The following XKR4 variants were observed in gnomAD, a reference collection of about 807,000 sequenced individuals.
The protein encoded by XKR4 is XK-related protein 4.
Under a neutral mutation model 53.9 loss-of-function variants are expected in XKR4, and 12 were observed. That is an observed-to-expected ratio of 0.22 (90% confidence interval 0.14 to 0.36). The LOEUF is 0.36. XKR4 is among the 10% of genes least tolerant of loss of function. The pLI is 1.00. For missense variants in XKR4, 799 were observed against 859.5 expected (o/e 0.93, Z 0.88); for synonymous variants, 354 against 362.4 (o/e 0.98, Z 0.26).
intron 2 of XKR4, among the ~76,000 whole-genome samples, chr8:55,386,649 T>C (rs564800218): frequency 6.6e-6 from 1 of 152,270 alleles, no homozygotes; most frequent in African/African-American, 2.4e-5. Context: ...TAATATATCA[T>C]GGAATGTAGT....
intron 2 of XKR4, among the ~76,000 whole-genome samples, chr8:55,481,320 T>G (rs1031550242): frequency 6.6e-6 from 1 of 152,012 alleles, no homozygotes; most frequent in Non-Finnish European, 1.5e-5. Flanking sequence ...TAATAAATGG[T>G]GCTGGGAAAA....
rs1326065294 is a variant in XKR4 at position 55,466,263 on chromosome 8, T to C, written c.1007-57018T>C. Reference sequence around the variant, plus strand: ...AAATGTCCATCAATGATAGACTGGATGAAGAAAATGTGGCACATACACCCT... The same window carrying C: ...AAATGTCCATCAATGATAGACTGGACGAAGAAAATGTGGCACATACACCCT... On this transcript the variant is annotated intron_variant, in intron 2 of 2. Coordinates refer to ENST00000327381, the MANE Select transcript of XKR4 (RefSeq NM_052898.2). Among the ~76,000 whole-genome samples, 3 of 152,174 alleles carry C rather than the reference T, an allele frequency of 2.0e-5. No individual in the cohort carries two copies. The East Asian group carries it at 5.8e-4, about 29-fold the overall frequency.
chr8:55,182,847 G>A (rs1046722051), intron 1 of XKR4, among the ~76,000 whole-genome samples: 2 of 152,034 alleles, frequency 1.3e-5, no homozygotes, highest in African/African-American at 4.8e-5. Context: ...GATTTGATTG[G>A]AATTGTGTAG....
chr8:55,307,812 A>T (rs1403503825), intron 1 of XKR4, among the ~76,000 whole-genome samples: 1 of 152,254 alleles, frequency 6.6e-6, no homozygotes, highest in African/African-American at 2.4e-5. Flanking sequence ...AGTTGCTGGC[A>T]AGGATGTGAA....
chr8:55,313,041 T>C (rs1042389373), intron 1 of XKR4, among the ~76,000 whole-genome samples: 2 of 152,150 alleles, frequency 1.3e-5, no homozygotes, highest in Admixed American at 6.5e-5. Context: ...CTTTCTCTGG[T>C]TTTATAGCAT....
At chr8:55,210,718 T>C (rs1817719669) in intron 1 of XKR4, among the ~76,000 whole-genome samples, 1 of 152,066 alleles carries the variant, frequency 6.6e-6, no homozygotes. Flanking sequence ...AGAAATGTAA[T>C]AAGTGAAAGA....
chr8:55,407,579 G>A (rs1255264000), intron 2 of XKR4, among the ~76,000 whole-genome samples: 2 of 152,128 alleles, frequency 1.3e-5, no homozygotes, highest in Non-Finnish European at 2.9e-5. Flanking sequence ...GATGCCCCGG[G>A]CTCAACATCG....
chr8:55,523,548 T>C lies in XKR4; in HGVS notation c.1274T>C (p.Ile425Thr). Residue 425 changes from isoleucine (I) to threonine (T), a missense_variant, in exon 3 of 3, where the codon ATC becomes ACC. Transcript: ENST00000327381. ...GTCCACTGTGAGACAGAATTCTGTA[T>C]CACCAAATGGGAAGAGATTGTGTTC... ...WIVHCETEFC[I>T]TKWEEIVFDM... 1 of 1,614,216 alleles carries C rather than the reference T, an allele frequency of 6.2e-7. No individual in the cohort carries two copies. The highest frequency in any genetic ancestry group is 1.1e-5 in the South Asian group (1 of 91,084).
intron 1 of XKR4, among the ~76,000 whole-genome samples, chr8:55,321,725 T>A (rs1803217176): frequency 6.6e-6 from 1 of 152,234 alleles, no homozygotes; most frequent in Non-Finnish European, 1.5e-5. Context: ...GCATGGTGGC[T>A]CATGCCTGTA....
rs574930341 is a variant in XKR4, at chr8:55,221,768, C to T, written c.806+118474C>T. On this transcript the variant is annotated intron_variant, in intron 1 of 2. Coordinates refer to ENST00000327381, the MANE Select transcript of XKR4 (RefSeq NM_052898.2). ...CTGGACTCGCTCGCTGTCTTACAGCCCCTTCTCCAGAGGGTCTCACCGGAC... is the reference window on the plus strand; with the variant it reads ...CTGGACTCGCTCGCTGTCTTACAGCTCCTTCTCCAGAGGGTCTCACCGGAC... Among the ~76,000 whole-genome samples, 8 of 152,282 alleles carry T rather than the reference C, an allele frequency of 5.3e-5. No homozygotes were observed. In the East Asian group the frequency reaches 1.5e-3, roughly 29 times the overall value.
intron 2 of XKR4, among the ~76,000 whole-genome samples, chr8:55,519,296 C>T (rs1806764754): frequency 6.6e-6 from 1 of 152,034 alleles, no homozygotes; most frequent in Non-Finnish European, 1.5e-5. Context: ...ATATACTATT[C>T]ATTATTTTGA....
At position 55,534,207 on chromosome 8, in the gene XKR4, G is replaced by T. The variant is rs1806993980; in HGVS notation, c.*9980G>T. The T allele has an allele frequency of 6.6e-6, 1 of 151,856 alleles. No homozygotes were observed. Among genetic ancestry groups the T allele is most frequent in the South Asian group, 2.1e-4 (1 of 4,798 alleles). The allele number at this position is 151,856 out of a possible 1,614,324, so 9.4% of individuals were successfully genotyped here. A position where few individuals can be genotyped will look rare whatever the true frequency, so the allele number is the denominator to read the frequency against. On this transcript the variant is annotated 3_prime_UTR_variant, in exon 3 of 3. Coordinates refer to ENST00000327381, the MANE Select transcript of XKR4 (RefSeq NM_052898.2). ...TCAGTTTCAGAGGTAAAATCTGCAT[G>T]GGTGCAGCTACTGAATAATTTGATT...
chr8:55,407,318 C>G (rs1055948034), intron 2 of XKR4, among the ~76,000 whole-genome samples: 12 of 152,116 alleles, frequency 7.9e-5, no homozygotes, highest in African/African-American at 2.7e-4. Context: ...GCACTGCTTC[C>G]CAGGAATCAC....
intron 1 of XKR4, among the ~76,000 whole-genome samples, chr8:55,262,899 T>A (rs1818547899): frequency 6.6e-6 from 1 of 152,164 alleles, no homozygotes; most frequent in South Asian, 2.1e-4. Context: ...ATCACTGTGG[T>A]CCACGGGGCA....
chr8:55,443,385 C>A (rs1324816509), intron 2 of XKR4, among the ~76,000 whole-genome samples: 1 of 150,654 alleles, frequency 6.6e-6, no homozygotes, highest in Admixed American at 6.6e-5. Context: ...AATTCAACAA[C>A]CATGAGTGAT....
At chr8:55,438,866 C>T (rs2129394578) in intron 2 of XKR4, among the ~76,000 whole-genome samples, 1 of 152,244 alleles carries the variant, frequency 6.6e-6, no homozygotes, top group South Asian at 2.1e-4. Context: ...ATGATGCTAG[C>T]TTTCACTTGG....
chr8:55,232,790 TGAG>T (rs1002006540), intron 1 of XKR4, among the ~76,000 whole-genome samples: 2 of 152,206 alleles, frequency 1.3e-5, no homozygotes, highest in Non-Finnish European at 2.9e-5. Flanking sequence ...ACATTTCCAA[TGAG>T]GAGATCAGGG....
At chr8:55,182,148 A>C (rs1488018616) in intron 1 of XKR4, among the ~76,000 whole-genome samples, 1 of 151,978 alleles carries the variant, frequency 6.6e-6, no homozygotes, top group Non-Finnish European at 1.5e-5. Context: ...TGAATTTTGA[A>C]AGTTAGTTGT....
At chr8:55,418,902 T>A (rs970639345) in intron 2 of XKR4, among the ~76,000 whole-genome samples, 1 of 151,042 alleles carries the variant, frequency 6.6e-6, no homozygotes, top group Non-Finnish European at 1.5e-5. Context: ...TTTTTTTTTT[T>A]AATTAGCATT....
Sources: allele counts gnomAD v4.1 joint callset (sites outside exome capture counted in the v4.1 genomes callset), GRCh38; gene constraint gnomAD v4.1.1; transcripts MANE v1.5; gene names NCBI Gene and HGNC (gene_info 2026-07-23, HGNC 2026-07-21).